SLC39A12: variants seen among roughly 807,000 people sequenced by gnomAD.
SLC39A12 encodes the protein zinc transporter ZIP12.
SLC39A12 carries 63 observed loss-of-function variants against 71.1 expected under a neutral mutation model. That is an observed-to-expected ratio of 0.89 (90% CI 0.72 to 1.09). The LOEUF is 1.09. SLC39A12 is among the 50% of genes least tolerant of loss of function. SLC39A12 has a pLI of 0.00. For missense variants in SLC39A12, 892 were observed against 812.6 expected (o/e 1.10, Z -1.19); for synonymous variants, 351 against 301.3 (o/e 1.16, Z -1.71).
chr10:17,961,772 G>A lies in SLC39A12; in HGVS notation c.453G>A (p.Arg151=), dbSNP rs1554848426. Residue 151 remains arginine (R), a synonymous_variant, in exon 3 of 13, where the codon AGG becomes AGA. Coordinates refer to ENST00000377369, the MANE Select transcript of SLC39A12 (RefSeq NM_001145195.2). ...KFYLHSLLSL[R]QDEDSSFLSQ... ...ACCTACACAGCCTACTGAGCCTCAG[G>A]CAGGATGAAGATTCCTCTTTCCTTT... is the stretch of plus-strand genomic sequence containing the variant. The A allele has an allele frequency of 1.9e-6, 3 of 1,614,080 alleles. No homozygotes were observed. The highest frequency in any genetic ancestry group is 1.6e-4 in the Middle Eastern group (1 of 6,062).
intron 10 of SLC39A12, among the ~76,000 whole-genome samples, chr10:17,999,233 T>G (rs941138093): frequency 3.6e-5 from 5 of 140,664 alleles, no homozygotes; most frequent in African/African-American, 1.3e-4. Context: ...AGGCGGAGGT[T>G]GTAGTGAGCC....
chr10:17,978,442 A>G (rs1835170960), intron 5 of SLC39A12, among the ~76,000 whole-genome samples: 1 of 152,188 alleles, frequency 6.6e-6, no homozygotes, highest in South Asian at 2.1e-4. Flanking sequence ...ATGTATCTTA[A>G]AAGTTATTTT....
intron 6 of SLC39A12, among the ~76,000 whole-genome samples, chr10:17,981,810 T>G (rs915920378): frequency 6.6e-6 from 1 of 152,210 alleles, no homozygotes; most frequent in Non-Finnish European, 1.5e-5. Context: ...ATTTTATATT[T>G]GTATATGGTT....
intron 6 of SLC39A12, 125 bp downstream of exon 6, chr10:17,981,608 A>G (rs1200365951): frequency 1.7e-5 from 12 of 725,572 alleles, no homozygotes; most frequent in Non-Finnish European, 2.1e-5. Flanking sequence ...AGCTCATTTA[A>G]TCCTCCTAAC....
intron 12 of SLC39A12, among the ~76,000 whole-genome samples, chr10:18,030,628 A>G (rs1166885106): frequency 6.4e-5 from 2 of 31,242 alleles, no homozygotes; most frequent in Admixed American, 5.5e-4. Context: ...TTATGTATTT[A>G]TTTATTTATT....
chr10:17,976,479 G>A (rs1342581261), intron 4 of SLC39A12, among the ~76,000 whole-genome samples: 2 of 152,064 alleles, frequency 1.3e-5, no homozygotes, highest in African/African-American at 2.4e-5. Flanking sequence ...GTGCAGTGGC[G>A]CCATCTCAGC....
At chr10:17,976,453 G>A (rs764705996) in intron 4 of SLC39A12, among the ~76,000 whole-genome samples, 1 of 152,106 alleles carries the variant, frequency 6.6e-6, no homozygotes, top group Non-Finnish European at 1.5e-5. Flanking sequence ...TTCTCACTCT[G>A]TTGCCCAGGT....
At chr10:18,023,095 T>C (rs545726954) in intron 12 of SLC39A12, among the ~76,000 whole-genome samples, 1 of 152,302 alleles carries the variant, frequency 6.6e-6, no homozygotes, top group Admixed American at 6.5e-5. Flanking sequence ...CTTGGCCCTC[T>C]GGGGCTGTGC....
chr10:17,964,730 G>C (rs1834778530), intron 3 of SLC39A12, among the ~76,000 whole-genome samples: 1 of 152,222 alleles, frequency 6.6e-6, no homozygotes, highest in Non-Finnish European at 1.5e-5. Flanking sequence ...AGGCAGATGA[G>C]AAGTAGAGGG....
Position 17,978,704 on chromosome 10 carries a change from A to G in SLC39A12, c.924+630A>G, listed in dbSNP as rs61344606. Among the ~76,000 whole-genome samples the G allele has an allele frequency of 3.6e-3, 545 of 152,342 alleles. 5 individuals carry two copies. The highest frequency in any genetic ancestry group is 0.013 in the African/African-American group (527 of 41,584). The stretch of plus-strand genomic sequence containing the variant: ...AGGCATGCATCTTCTAAGAATGCCA[A>G]TAATCATTTTCTGTGCAAAACACAC... On this transcript the variant is annotated intron_variant, in intron 5 of 12. Transcript: ENST00000377369.
At chr10:17,981,550 G>A (rs1835260520) in intron 6 of SLC39A12, 67 bp downstream of exon 6, 2 of 1,296,788 alleles carry the variant, frequency 1.5e-6, no homozygotes, top group African/African-American at 2.9e-5. Flanking sequence ...AGTAAATGCA[G>A]GATACTTACT....
intron 4 of SLC39A12, among the ~76,000 whole-genome samples, chr10:17,968,750 A>G (rs1484836349): frequency 6.6e-6 from 1 of 152,136 alleles, no homozygotes; most frequent in Non-Finnish European, 1.5e-5. Flanking sequence ...CATCATAGAG[A>G]ATGGGGTATC....
At chr10:18,025,755 T>C (rs1836660789) in intron 12 of SLC39A12, among the ~76,000 whole-genome samples, 1 of 152,186 alleles carries the variant, frequency 6.6e-6, no homozygotes, top group African/African-American at 2.4e-5. Flanking sequence ...TACCCAGTAA[T>C]GGGATTGCAG....
intron 9 of SLC39A12, among the ~76,000 whole-genome samples, chr10:17,994,555 G>T (rs968932467): frequency 6.6e-6 from 1 of 152,088 alleles, no homozygotes; most frequent in Non-Finnish European, 1.5e-5. Context: ...TCTGAATTCT[G>T]TATTTTCACA....
chr10:18,018,534 TC>T (rs1655607053), intron 12 of SLC39A12, among the ~76,000 whole-genome samples: 1 of 152,198 alleles, frequency 6.6e-6, no homozygotes, highest in Non-Finnish European at 1.5e-5. Context: ...ATGTTCTTTA[TC>T]AAGTTGAGGA....
chr10:18,010,200 C>T (rs1249950723), intron 12 of SLC39A12, among the ~76,000 whole-genome samples: 1 of 152,154 alleles, frequency 6.6e-6, no homozygotes, highest in Non-Finnish European at 1.5e-5. Context: ...CAAGTCAGGT[C>T]TGGTAAATGA....
In SLC39A12 at chr10:17,994,524, CAA is replaced by C. The variant is rs778165999; in HGVS notation, c.1534-1129_1534-1128del. Among the ~76,000 whole-genome samples the C allele has an allele frequency of 1.9e-4, 29 of 152,012 alleles. 1 individual carries two copies. The highest frequency in any genetic ancestry group is 2.0e-4 in the Admixed American group (3 of 15,252). On this transcript the variant is annotated intron_variant, in intron 9 of 12. Coordinates refer to ENST00000377369, the MANE Select transcript of SLC39A12 (RefSeq NM_001145195.2). Reference sequence around the variant, plus strand: ...AAATAGCTTTTTTTGAAAAACAAGACAAAACATTCTAGAATAAATATCTGAAT... The same window carrying C: ...AAATAGCTTTTTTTGAAAAACAAGACAACATTCTAGAATAAATATCTGAAT...
intron 10 of SLC39A12, 67 bp downstream of exon 10, chr10:17,995,789 T>A: frequency 7.1e-7 from 1 of 1,413,526 alleles, no homozygotes; most frequent in African/African-American, 1.4e-5. Context: ...TGTTTTAAAA[T>A]AAAATGTCAA....
intron 12 of SLC39A12, among the ~76,000 whole-genome samples, chr10:18,039,058 T>C (rs950199129): frequency 3.9e-5 from 6 of 152,226 alleles, no homozygotes; most frequent in African/African-American, 1.4e-4. Context: ...GACCTATACT[T>C]TATAAGTCTT....
Sources: allele counts gnomAD v4.1 joint callset (sites outside exome capture counted in the v4.1 genomes callset), GRCh38; gene constraint gnomAD v4.1.1; transcripts MANE v1.5; gene names NCBI Gene and HGNC (gene_info 2026-07-23, HGNC 2026-07-21).